Variants in NCAM2 observed in about 807,000 individuals in gnomAD.
NCAM2 encodes N-CAM-2.
A neutral mutation model predicts 98.1 loss-of-function variants in NCAM2; 30 were observed. The observed-to-expected ratio is 0.31, with a 90% CI of 0.23 to 0.41. The LOEUF is 0.41. Ranked by LOEUF, NCAM2 falls within the 10% of genes least tolerant of loss-of-function variation. NCAM2 has a pLI of 1.00. For missense variants in NCAM2, 867 were observed against 1,005.8 expected, an observed-to-expected ratio of 0.86 and a Z score of 1.87; for synonymous variants, 368 against 342.4, an observed-to-expected ratio of 1.07 and a Z score of -0.83.
At chr21:21,343,986 A>G (rs1429795786) in intron 8 of NCAM2, among the ~76,000 whole-genome samples, 3 of 151,954 alleles carry the variant, frequency 2.0e-5, no homozygotes, top group Non-Finnish European at 4.4e-5. Context: ...TCCAAAAGAG[A>G]CCTCTTTATT....
intron 1 of NCAM2, among the ~76,000 whole-genome samples, chr21:21,238,233 A>T (rs9967999): frequency 6.6e-6 from 1 of 152,074 alleles, no homozygotes; most frequent in African/African-American, 2.4e-5. Flanking sequence ...CTGGGATTAC[A>T]GGGATGAGCC....
chr21:21,217,096 C>T (rs2069934786), intron 1 of NCAM2, among the ~76,000 whole-genome samples: 1 of 152,068 alleles, frequency 6.6e-6, no homozygotes, highest in Admixed American at 6.6e-5. Context: ...GCTGAGGGTG[C>T]CAGGGAGTTT....
chr21:21,490,578 T>C (rs1393314038), intron 15 of NCAM2, among the ~76,000 whole-genome samples: 1 of 151,902 alleles, frequency 6.6e-6, no homozygotes, highest in Non-Finnish European at 1.5e-5. Flanking sequence ...ATTTTTATTC[T>C]ATGTATGTAC....
At chr21:21,019,904 C>A (rs1033075726) in intron 1 of NCAM2, among the ~76,000 whole-genome samples, 2 of 152,034 alleles carry the variant, frequency 1.3e-5, no homozygotes, top group African/African-American at 4.8e-5. Flanking sequence ...TGGGTGCTGT[C>A]GTGGTGCAGG....
At chr21:21,430,172 G>GCACA (rs1328829480) in intron 11 of NCAM2, among the ~76,000 whole-genome samples, 5 of 151,670 alleles carry the variant, frequency 3.3e-5, no homozygotes, top group Admixed American at 6.6e-5. Flanking sequence ...GGAATCACAG[G>GCACA]CACACTCCAC....
At chr21:21,126,236 T>TAAAAAAAAAAAAAAAA (rs778070776) in intron 1 of NCAM2, among the ~76,000 whole-genome samples, 1 of 97,562 alleles carries the variant, frequency 1.0e-5, no homozygotes, top group African/African-American at 3.8e-5. Flanking sequence ...TCATGGAACA[T>TAAAAAAAAAAAAAAAA]AAAAAAAAAA....
At chr21:21,262,109 G>T (rs1698207918) in intron 1 of NCAM2, among the ~76,000 whole-genome samples, 1 of 152,080 alleles carries the variant, frequency 6.6e-6, no homozygotes, top group South Asian at 2.1e-4. Context: ...AACCTTAGAG[G>T]AAATGTATAA....
intron 1 of NCAM2, among the ~76,000 whole-genome samples, chr21:21,201,414 C>T (rs1435606863): frequency 6.6e-6 from 1 of 152,140 alleles, no homozygotes; most frequent in African/African-American, 2.4e-5. Flanking sequence ...CACAAAACAG[C>T]AAGTTTACAT....
At chr21:21,394,816 A>G (rs2076467014) in intron 9 of NCAM2, among the ~76,000 whole-genome samples, 1 of 152,182 alleles carries the variant, frequency 6.6e-6, no homozygotes, top group African/African-American at 2.4e-5. Context: ...TACAATAGAT[A>G]TAACACTGGA....
rs1306154420 is a variant in NCAM2 at position 21,008,323 on chromosome 21, A to G, written c.55+9705A>G. Among the ~76,000 whole-genome samples the G allele has an allele frequency of 8.5e-5, 13 of 152,308 alleles. No homozygotes were observed. In the East Asian group the frequency reaches 2.3e-3, roughly 27 times the overall value. On this transcript the variant is annotated intron_variant, in intron 1 of 17. Transcript: ENST00000400546. ...CTATAGATTACACACTAATCTTTAC[A>G]CCAGGTAAAACTTGTGAATCATCAA...
At chr21:21,254,910 G>A (rs1396767956) in intron 1 of NCAM2, among the ~76,000 whole-genome samples, 5 of 147,676 alleles carry the variant, frequency 3.4e-5, no homozygotes, top group African/African-American at 1.3e-4. Context: ...GTGTGTGTGT[G>A]TGTGTGTGTG....
intron 1 of NCAM2, among the ~76,000 whole-genome samples, chr21:21,118,653 ACTTC>A (rs1450208793): frequency 2.0e-5 from 3 of 151,616 alleles, no homozygotes; most frequent in African/African-American, 7.3e-5. Flanking sequence ...ACTTCCCCTT[ACTTC>A]CTTCTAATTT....
At chr21:21,335,804 C>T in intron 7 of NCAM2, 139 bp downstream of exon 7, 1 of 798,348 alleles carries the variant, frequency 1.3e-6, no homozygotes, top group East Asian at 3.4e-5. Context: ...TTTTAAATTT[C>T]AGCTACCAGA....
chr21:21,502,672 G>A lies in NCAM2; in HGVS notation c.2078-6179G>A, dbSNP rs76500512. The stretch of plus-strand genomic sequence containing the variant: ...AGAGTCATGTAGACTTATCACCAAT[G>A]TGGAAAGATACCGTACGTAGTAATA... On this transcript the variant is annotated intron_variant, in intron 15 of 17. Coordinates refer to ENST00000400546, the MANE Select transcript of NCAM2 (RefSeq NM_004540.5). 9.7e-3 allele frequency among the ~76,000 whole-genome samples: 1,478 copies of A among 152,064 alleles called. 25 individuals carry two copies. Among genetic ancestry groups the A allele is most frequent in the African/African-American group, 0.034 (1,400 of 41,526 alleles).
intron 1 of NCAM2, among the ~76,000 whole-genome samples, chr21:21,021,641 C>G (rs1388337920): frequency 2.6e-5 from 4 of 152,146 alleles, no homozygotes; most frequent in Non-Finnish European, 4.4e-5. Context: ...TAATCTTTCA[C>G]AAGCTGGTAT....
intron 6 of NCAM2, among the ~76,000 whole-genome samples, chr21:21,327,483 A>G (rs1248383332): frequency 6.6e-6 from 1 of 151,980 alleles, no homozygotes; most frequent in East Asian, 1.9e-4. Flanking sequence ...GTTTTTAATA[A>G]TTTCAACTTT....
At chr21:21,177,518 G>A (rs1295419281) in intron 1 of NCAM2, among the ~76,000 whole-genome samples, 1 of 152,014 alleles carries the variant, frequency 6.6e-6, no homozygotes, top group Non-Finnish European at 1.5e-5. Context: ...CCAATTATAA[G>A]TGAATTATAG....
chr21:21,510,583 T>A (rs1370532790), intron 16 of NCAM2, among the ~76,000 whole-genome samples: 1 of 55,928 alleles, frequency 1.8e-5, no homozygotes, highest in African/African-American at 7.2e-5. Context: ...GAAGGTCTCA[T>A]ACTGTTTTAT....
At chr21:21,463,268 T>C (rs1983232504) in intron 12 of NCAM2, among the ~76,000 whole-genome samples, 1 of 152,072 alleles carries the variant, frequency 6.6e-6, no homozygotes, top group Non-Finnish European at 1.5e-5. Flanking sequence ...AGGCTTTGCC[T>C]CCTCCAAATC....
Sources: gnomAD v4.1 joint callset for allele counts (sites outside exome capture counted in the v4.1 genomes callset) on GRCh38, gnomAD v4.1.1 for gene constraint, MANE v1.5 for transcripts, NCBI Gene and HGNC (gene_info 2026-07-23, HGNC 2026-07-21) for gene names.